DNAH17: variants seen among roughly 807,000 people sequenced by gnomAD.
The protein encoded by DNAH17 is dynein axonemal heavy chain 17, also known as axonemal beta dynein heavy chain 17.
A neutral mutation model predicts 485.6 loss-of-function variants in DNAH17; 376 were observed. The ratio of observed to expected loss-of-function variants is 0.77; its 90% CI spans 0.71 to 0.84. The LOEUF is 0.84. Among genes scored for constraint, DNAH17 ranks in the 40% least tolerant of loss-of-function variants. The pLI, the probability that DNAH17 is intolerant of heterozygous loss-of-function variation, is 0.00. For missense variants in DNAH17, 6,370 were observed against 5,839.3 expected, an observed-to-expected ratio of 1.09 and a Z score of -2.96; for synonymous variants, 3,031 against 2,405.9, an observed-to-expected ratio of 1.26 and a Z score of -7.60.
chr17:78,424,016 A>T lies in DNAH17; in HGVS notation c.13279T>A (p.Tyr4427Asn). ...ETKNIYECPV[Y>N]KTRIRGPTYV... is the part of the protein sequence containing the mutation. Reference sequence around the variant, plus strand: ...GTGGGGCCGCGGATGCGTGTTTTGTACACGGGACACTCATAGATGTTCTTG... The same window carrying T: ...GTGGGGCCGCGGATGCGTGTTTTGTTCACGGGACACTCATAGATGTTCTTG... The change falls in exon 81 of 81, where the codon TAC becomes AAC. Residue 4427 changes from tyrosine (Y) to asparagine (N), a missense_variant. Transcript: ENST00000389840. 1 of 1,614,048 alleles carries T rather than the reference A, an allele frequency of 6.2e-7. No individual in the cohort carries two copies. The highest frequency in any genetic ancestry group is 1.3e-5 in the African/African-American group (1 of 75,062).
chr17:78,502,053 G>T (rs1002747962), intron 33 of DNAH17, 180 bp from the exon 34 acceptor site: 1 of 777,980 alleles, frequency 1.3e-6, no homozygotes, highest in Non-Finnish European at 2.0e-6. Context: ...GTGCGGCCCT[G>T]ATGGGACACC....
intron 54 of DNAH17, among the ~76,000 whole-genome samples, chr17:78,473,960 C>T (rs960198406): frequency 6.6e-6 from 1 of 152,188 alleles, no homozygotes; most frequent in African/African-American, 2.4e-5. Context: ...GGGCTGTGTT[C>T]AGGAGTGCCC....
chr17:78,479,143 T>C (rs2089237584), intron 50 of DNAH17, 27 bp from the exon 51 acceptor site: 1 of 1,606,522 alleles, frequency 6.2e-7, no homozygotes, highest in Non-Finnish European at 8.5e-7. Context: ...ACGTGTCAAT[T>C]CTCATGTACT....
rs375833048 is a variant in DNAH17, at chr17:78,519,024, C to T, written c.3865-4002G>A. ...TCTACTAAAAATACAAAAAATTAGC[C>T]GGGCGTGGTGGCGGGCACCTGTAGT... On this transcript the variant is annotated intron_variant, in intron 25 of 80. Coordinates refer to ENST00000389840, the MANE Select transcript of DNAH17 (RefSeq NM_173628.4). Among the ~76,000 whole-genome samples the T allele has an allele frequency of 1.3e-3, 194 of 151,852 alleles. 1 individual carries two copies. Among genetic ancestry groups the T allele is most frequent in the African/African-American group, 4.0e-3 (164 of 41,464 alleles).
In DNAH17 at chr17:78,504,489, C is replaced by T. The variant is rs201468228; in HGVS notation, c.4956+804G>A. On this transcript the variant is annotated intron_variant, in intron 31 of 80. Transcript: ENST00000389840. ...TGCTGTCACCACCCCACCCACCCCACCCACCCCATCCACGTAGAGCAGGCC... is the reference window on the plus strand; with the variant it reads ...TGCTGTCACCACCCCACCCACCCCATCCACCCCATCCACGTAGAGCAGGCC... 6.9e-3 allele frequency among the ~76,000 whole-genome samples: 798 copies of T among 116,086 alleles called. 4 individuals are homozygous for T. Among genetic ancestry groups the T allele is most frequent in the African/African-American group, 0.016 (496 of 30,786 alleles). The allele number at this position is 116,086 out of a possible 152,430, so 76.2% of individuals were successfully genotyped here.
In DNAH17 at chr17:78,506,605, G is replaced by T. The variant is rs1057310267; in HGVS notation, c.4803+115C>A. On this transcript the variant is annotated intron_variant, in intron 30 of 80. Coordinates refer to ENST00000389840, the MANE Select transcript of DNAH17 (RefSeq NM_173628.4). ...CTGGTGCAGAGGGCCTCCTGGAGAT[G>T]ATGGGGCACGTCCAAGGACACTTAC... 2.0e-6 allele frequency: 3 copies of T among 1,471,832 alleles called. No individual in the cohort carries two copies. The African/African-American group carries it at 4.2e-5, about 21-fold the overall frequency. The allele number at this position is 1,471,832 out of a possible 1,614,324, so 91.2% of individuals were successfully genotyped here.
At chr17:78,532,253 C>T (rs1219569981) in intron 20 of DNAH17, among the ~76,000 whole-genome samples, 2 of 152,208 alleles carry the variant, frequency 1.3e-5, no homozygotes, top group Admixed American at 6.5e-5. Context: ...TGCCTCCTGA[C>T]TGACCCTGAT....
Position 78,571,686 on chromosome 17 carries a change from T to G in DNAH17, c.636A>C (p.Ser212=). The part of the protein sequence containing the change: ...HQIRDVLSKD[S]AQALLDGLHP... ...GCAGCCCATCCAGCAGCGCCTGGGC[T>G]GAGTCTTTGCTCAGCACATCCCGGA... The change falls in exon 4 of 81, where the codon TCA becomes TCC. Residue 212 remains serine (S), a synonymous_variant. Coordinates refer to ENST00000389840, the MANE Select transcript of DNAH17 (RefSeq NM_173628.4). 1.2e-6 allele frequency: 2 copies of G among 1,614,006 alleles called. No individual in the cohort carries two copies. Among genetic ancestry groups the G allele is most frequent in the Non-Finnish European group, 1.7e-6 (2 of 1,179,878 alleles).
In DNAH17 at chr17:78,479,515, T is replaced by G. The variant is rs1269869318; in HGVS notation, c.7870A>C (p.Ile2624Leu). 2 of 1,612,994 alleles carry G rather than the reference T, an allele frequency of 1.2e-6. No individual in the cohort carries two copies. Among genetic ancestry groups the G allele is most frequent in the African/African-American group, 2.7e-5 (2 of 74,912 alleles). Residue 2624 changes from isoleucine (I) to leucine (L), a missense_variant, in exon 50 of 81, where the codon ATA becomes CTA. Coordinates refer to ENST00000389840, the MANE Select transcript of DNAH17 (RefSeq NM_173628.4). The stretch of plus-strand genomic sequence containing the variant: ...GCCGCGGCCACCAGCTGGCTGCTTA[T>G]CCTCTGGATAGCCATGGAGACCGAG... ...FRSVSMAIQR[I>L]SSQLVAAALA...
rs1760377144 is a variant in DNAH17, at chr17:78,477,912, A to AC, written c.7992+1112dup. The stretch of plus-strand genomic sequence containing the variant: ...TATCATCACCACCATCATCATTACC[A>AC]CATCACCATCACCACCATCATCACC... On this transcript the variant is annotated intron_variant, in intron 51 of 80. Coordinates refer to ENST00000389840, the MANE Select transcript of DNAH17 (RefSeq NM_173628.4). Among the ~76,000 whole-genome samples, 4 of 147,986 alleles carry AC rather than the reference A, an allele frequency of 2.7e-5. No individual in the cohort carries two copies. The South Asian group carries it at 8.5e-4, about 31-fold the overall frequency.
At chr17:78,428,924 TAAA>T (rs11409298) in intron 76 of DNAH17, among the ~76,000 whole-genome samples, 194 bp downstream of exon 76, 5 of 103,300 alleles carry the variant, frequency 4.8e-5, no homozygotes, top group South Asian at 3.6e-4. Flanking sequence ...TTTCTTTCTT[TAAA>T]AAAAAAAAAA....
intron 74 of DNAH17, among the ~76,000 whole-genome samples, chr17:78,436,631 G>A (rs1189312347): frequency 1.3e-5 from 2 of 152,040 alleles, no homozygotes; most frequent in Non-Finnish European, 2.9e-5. Context: ...ATCACCTGAG[G>A]TCAGGAGTTT....
intron 71 of DNAH17, among the ~76,000 whole-genome samples, chr17:78,444,323 G>T (rs2087189805): frequency 1.3e-5 from 2 of 152,156 alleles, no homozygotes; most frequent in South Asian, 4.1e-4. Context: ...GTTAGCGGGG[G>T]ACAAGGGGTT....
chr17:78,564,420 G>A (rs984354557), intron 11 of DNAH17, among the ~76,000 whole-genome samples: 49 of 152,246 alleles, frequency 3.2e-4, no homozygotes, highest in African/African-American at 1.0e-3. Context: ...GCACCTCCCC[G>A]TGGAGCCAGT....
rs1227101998 is a variant in DNAH17, at chr17:78,424,089, G to A, written c.13206C>T (p.Ala4402=). 2.5e-6 allele frequency: 4 copies of A among 1,613,956 alleles called. No homozygotes were observed. Among genetic ancestry groups the A allele is most frequent in the Admixed American group, 1.7e-5 (1 of 60,030 alleles). ...TGGCCTTGATGAAGATGACAGGCATGGCCGGGGTCAGCTCTTTCAGCCGCG... is the reference window on the plus strand; with the variant it reads ...TGGCCTTGATGAAGATGACAGGCATAGCCGGGGTCAGCTCTTTCAGCCGCG... ...AEARLKELTP[A]MPVIFIKAIP... is the part of the protein sequence containing the mutation. Residue 4402 remains alanine, a synonymous_variant, in exon 81 of 81, where the codon GCC becomes GCT. Transcript: ENST00000389840.
intron 54 of DNAH17, among the ~76,000 whole-genome samples, chr17:78,473,318 G>A (rs1419373119): frequency 6.6e-6 from 1 of 152,080 alleles, no homozygotes; most frequent in Non-Finnish European, 1.5e-5. Flanking sequence ...GCTGAGGCGG[G>A]CAGATCACGA....
At chr17:78,511,104 A>G (rs960648473) in intron 26 of DNAH17, among the ~76,000 whole-genome samples, 1 of 152,176 alleles carries the variant, frequency 6.6e-6, no homozygotes, top group African/African-American at 2.4e-5. Context: ...GCACTGTGAG[A>G]AAACACAGGT....
At chr17:78,540,146 G>A (rs2091482591) in intron 17 of DNAH17, among the ~76,000 whole-genome samples, 1 of 151,852 alleles carries the variant, frequency 6.6e-6, no homozygotes, top group Non-Finnish European at 1.5e-5. Context: ...ATCTCTAGTT[G>A]GGTTTCCTCT....
At chr17:78,440,442 TAGAG>T (rs1331038351) in intron 72 of DNAH17, among the ~76,000 whole-genome samples, 2 of 151,898 alleles carry the variant, frequency 1.3e-5, no homozygotes, top group Admixed American at 6.6e-5. Flanking sequence ...GTATGTTTTG[TAGAG>T]ACGGGGTTTT....
Sources: allele counts gnomAD v4.1 joint callset (sites outside exome capture counted in the v4.1 genomes callset), GRCh38; gene constraint gnomAD v4.1.1; transcripts MANE v1.5; gene names NCBI Gene and HGNC (gene_info 2026-07-23, HGNC 2026-07-21).